The following PCDHA10 variants were observed in gnomAD, a reference collection of about 807,000 sequenced individuals.
PCDHA10 encodes protocadherin alpha-10.
Under a neutral mutation model 61.2 loss-of-function variants are expected in PCDHA10, and 45 were observed. The observed-to-expected ratio is 0.74, with a 90% CI of 0.58 to 0.94. The LOEUF (loss-of-function observed/expected upper bound fraction) is 0.94, where lower values mean the gene tolerates loss of function less well. Ranked by LOEUF, PCDHA10 falls within the 40% of genes least tolerant of loss-of-function variation. The probability of loss-of-function intolerance (pLI) is 0.00; values close to 1 mark genes in which losing one functional copy is unlikely to be tolerated. For synonymous variants in PCDHA10, 602 were observed against 548.8 expected (o/e 1.10, Z -1.35); for missense variants, 1,278 against 1,236.2 (o/e 1.03, Z -0.51).
chr5:140,896,560 A>G (rs1583236503), intron 1 of PCDHA10, among the ~76,000 whole-genome samples: 2 of 150,934 alleles, frequency 1.3e-5, no homozygotes, highest in African/African-American at 4.9e-5. Flanking sequence ...TATTTTAAGT[A>G]GAGATGGGGT....
intron 3 of PCDHA10, among the ~76,000 whole-genome samples, chr5:140,990,966 A>G (rs2097424130): frequency 6.6e-6 from 1 of 152,214 alleles, no homozygotes; most frequent in Non-Finnish European, 1.5e-5. Context: ...GTCTCTTAGA[A>G]CAAGAGAAAG....
Position 140,993,262 on chromosome 5 carries a change from C to T in PCDHA10, c.2536+10699C>T, listed in dbSNP as rs75542242. ...CTGGGGATTTAGATATATAAATTAG[C>T]TTCTTTGGTCTTTTCTTGCCCAGGG... On this transcript the variant is annotated intron_variant, in intron 3 of 3. Transcript: ENST00000307360. Among the ~76,000 whole-genome samples the T allele has an allele frequency of 6.3e-3, 965 of 152,148 alleles. 15 individuals are homozygous for T. Among genetic ancestry groups the T allele is most frequent in the African/African-American group, 0.023 (934 of 41,492 alleles).
In PCDHA10 at chr5:140,967,846, C is replaced by T. The variant is rs151021111; in HGVS notation, c.2389-11103C>T. ...TGGTGGACATCGTGGACGTGAATGA[C>T]AATGCCCCAGAGGTGGTGCTCACGG... On this transcript the variant is annotated intron_variant, in intron 1 of 3. Coordinates refer to ENST00000307360, the MANE Select transcript of PCDHA10 (RefSeq NM_018901.4). 708 of 1,614,166 alleles carry T rather than the reference C, an allele frequency of 4.4e-4. 2 individuals are homozygous for T. Among genetic ancestry groups the T allele is most frequent in the Middle Eastern group, 2.8e-3 (17 of 6,062 alleles).
At chr5:140,952,698 C>G (rs1020795237) in intron 1 of PCDHA10, among the ~76,000 whole-genome samples, 4 of 152,182 alleles carry the variant, frequency 2.6e-5, no homozygotes, top group Non-Finnish European at 4.4e-5. Context: ...ATAGCAATAT[C>G]CCACTCTCAG....
intron 3 of PCDHA10, among the ~76,000 whole-genome samples, chr5:140,988,509 TA>T (rs2097301045): frequency 6.6e-6 from 1 of 152,170 alleles, no homozygotes; most frequent in Non-Finnish European, 1.5e-5. Flanking sequence ...CCATGAAGCT[TA>T]CTTAAGTCTC....
intron 1 of PCDHA10, among the ~76,000 whole-genome samples, chr5:140,906,640 G>A (rs1465278194): frequency 6.6e-6 from 1 of 152,210 alleles, no homozygotes; most frequent in African/African-American, 2.4e-5. Context: ...ACCTCAGCAG[G>A]TAGTGGTTTT....
intron 1 of PCDHA10, chr5:140,871,297 G>A (rs781824958): frequency 5.6e-6 from 9 of 1,613,778 alleles, no homozygotes; most frequent in African/African-American, 5.3e-5. Context: ...GGGCGCGTGC[G>A]CGCCGGGGAA....
At chr5:140,876,938 T>C in intron 1 of PCDHA10, 1 of 1,613,716 alleles carries the variant, frequency 6.2e-7, no homozygotes, top group East Asian at 2.2e-5. Context: ...AAGAACGCGC[T>C]GGTGTCCTAC....
intron 3 of PCDHA10, among the ~76,000 whole-genome samples, chr5:141,005,325 A>G (rs1430982331): frequency 6.6e-6 from 1 of 152,226 alleles, no homozygotes; most frequent in Non-Finnish European, 1.5e-5. Context: ...GTAGAGAATA[A>G]TAGGCCAAGG....
chr5:140,904,707 C>T (rs561558058), intron 1 of PCDHA10, among the ~76,000 whole-genome samples: 1 of 152,244 alleles, frequency 6.6e-6, no homozygotes, highest in African/African-American at 2.4e-5. Context: ...TCCCTTTTCA[C>T]CACATTCTGG....
At chr5:140,884,310 GGGCGTC>G (rs1301213144) in intron 1 of PCDHA10, 7 of 1,613,674 alleles carry the variant, frequency 4.3e-6, no homozygotes, top group Non-Finnish European at 5.9e-6. Flanking sequence ...GCTTCGTCGA[GGGCGTC>G]GGCAGGCGCT....
At position 140,870,837 on chromosome 5, in the gene PCDHA10, G is replaced by T. The variant is rs782610375; in HGVS notation, c.2388+12401G>T. ...GCAGCGCGGGAGGCGCAGTTAACAA[G>T]CTAGTACCGCGGTCGGTGGGTGCGG... On this transcript the variant is annotated intron_variant, in intron 1 of 3. Transcript: ENST00000307360. 5 of 1,613,820 alleles carry T rather than the reference G, an allele frequency of 3.1e-6. No individual in the cohort carries two copies. The South Asian group carries it at 4.4e-5, about 14-fold the overall frequency.
chr5:140,987,797 T>A (rs967250070), intron 3 of PCDHA10, among the ~76,000 whole-genome samples: 23 of 152,308 alleles, frequency 1.5e-4, no homozygotes, highest in African/African-American at 4.3e-4. Flanking sequence ...AAGATTTTTT[T>A]AAAGTGCCTG....
intron 1 of PCDHA10, among the ~76,000 whole-genome samples, chr5:140,932,902 T>C (rs1276238248): frequency 6.6e-6 from 1 of 152,002 alleles, no homozygotes; most frequent in Non-Finnish European, 1.5e-5. Context: ...AGGGAAACAA[T>C]AATATTTCAA....
At chr5:140,913,299 T>A (rs2076283233) in intron 1 of PCDHA10, among the ~76,000 whole-genome samples, 1 of 152,196 alleles carries the variant, frequency 6.6e-6, no homozygotes, top group South Asian at 2.1e-4. Context: ...AATTTCTTCA[T>A]AGATCAACCT....
Position 140,991,900 on chromosome 5 carries a change from ATCCC to A in PCDHA10, c.2536+9339_2536+9342del, listed in dbSNP as rs576684602. Reference sequence around the variant, plus strand: ...GGCTGCCATAACAAATTAACACAAAATCCCTTTTGCCATGTAACATAACATATTC... The same window carrying A: ...GGCTGCCATAACAAATTAACACAAAATTTTGCCATGTAACATAACATATTC... On this transcript the variant is annotated intron_variant, in intron 3 of 3. Coordinates refer to ENST00000307360, the MANE Select transcript of PCDHA10 (RefSeq NM_018901.4). Among the ~76,000 whole-genome samples, 390 of 152,250 alleles carry A rather than the reference ATCCC, an allele frequency of 2.6e-3. 2 individuals carry two copies. The highest frequency in any genetic ancestry group is 4.8e-3 in the South Asian group (23 of 4,818).
chr5:140,880,338 C>T (rs887426306), intron 1 of PCDHA10, among the ~76,000 whole-genome samples: 10 of 152,130 alleles, frequency 6.6e-5, no homozygotes, highest in African/African-American at 1.7e-4. Context: ...AAAAATAAGA[C>T]AGGCAGCAGG....
intron 3 of PCDHA10, among the ~76,000 whole-genome samples, chr5:141,003,860 G>T (rs1224171720): frequency 6.6e-6 from 1 of 152,136 alleles, no homozygotes; most frequent in African/African-American, 2.4e-5. Flanking sequence ...ATTTATATGT[G>T]TCTGAAATCC....
In PCDHA10 at chr5:140,870,903, A is replaced by C. The variant is rs182770106; in HGVS notation, c.2388+12467A>C. On this transcript the variant is annotated intron_variant, in intron 1 of 3. Transcript: ENST00000307360. ...AGGTGCGCGCAGTGGATGCGGACTCAGGCTACAACGCGTGGCTTTCATATG... is the reference window on the plus strand; with the variant it reads ...AGGTGCGCGCAGTGGATGCGGACTCCGGCTACAACGCGTGGCTTTCATATG... 3.9e-4 allele frequency: 622 copies of C among 1,613,930 alleles called. 2 individuals carry two copies. The highest frequency in any genetic ancestry group is 2.8e-3 in the Middle Eastern group (17 of 6,060).
Sources: allele counts gnomAD v4.1 joint callset (sites outside exome capture counted in the v4.1 genomes callset), GRCh38; gene constraint gnomAD v4.1.1; transcripts MANE v1.5; gene names NCBI Gene and HGNC (gene_info 2026-07-23, HGNC 2026-07-21).